The following BTBD9 variants were observed in gnomAD, a reference collection of about 807,000 sequenced individuals.
The protein encoded by BTBD9 is BTB domain containing 9, also known as BTB/POZ domain-containing protein 9.
Under a neutral mutation model 64.3 loss-of-function variants are expected in BTBD9, and 49 were observed. The ratio of observed to expected loss-of-function variants is 0.76; its 90% CI spans 0.61 to 0.97. The LOEUF is 0.97. Ranked by LOEUF, BTBD9 falls within the 50% of genes least tolerant of loss-of-function variation. The probability of loss-of-function intolerance (pLI) is 0.00; values close to 1 mark genes in which losing one functional copy is unlikely to be tolerated. For missense variants in BTBD9, 598 were observed against 762.1 expected, an observed-to-expected ratio of 0.78 and a Z score of 2.53; for synonymous variants, 260 against 274.7, an observed-to-expected ratio of 0.95 and a Z score of 0.53.
Position 38,351,441 on chromosome 6 carries a change from T to C in BTBD9, c.1155-6348A>G, listed in dbSNP as rs192562998. Among the ~76,000 whole-genome samples the C allele has an allele frequency of 9.1e-4, 137 of 151,298 alleles. No individual in the cohort carries two copies. In the Middle Eastern group the frequency reaches 0.01, roughly 11 times the overall value. ...AATCAATTATATGGAAGGGATGAGA[T>C]AGGTAGAAATAATTACTAATACACA... On this transcript the variant is annotated intron_variant, in intron 6 of 10. Coordinates refer to ENST00000481247, the MANE Select transcript of BTBD9 (RefSeq NM_001099272.2).
chr6:38,300,865 T>G (rs1022345127), intron 7 of BTBD9, among the ~76,000 whole-genome samples: 7 of 152,220 alleles, frequency 4.6e-5, no homozygotes, highest in African/African-American at 1.4e-4. Context: ...TTCTCCTGAC[T>G]GATTGCCCTG....
At chr6:38,480,071 C>T (rs1452377921) in intron 6 of BTBD9, among the ~76,000 whole-genome samples, 9 of 152,050 alleles carry the variant, frequency 5.9e-5, no homozygotes, top group Non-Finnish European at 8.8e-5. Flanking sequence ...CTATAGACTG[C>T]TAAGAGAAAT....
chr6:38,452,892 G>T (rs971147875), intron 6 of BTBD9, among the ~76,000 whole-genome samples: 1 of 152,052 alleles, frequency 6.6e-6, no homozygotes, highest in African/African-American at 2.4e-5. Flanking sequence ...CGGAAACTGA[G>T]GAAAAGGACA....
At chr6:38,312,404 A>G (rs1449119351) in intron 7 of BTBD9, among the ~76,000 whole-genome samples, 1 of 151,978 alleles carries the variant, frequency 6.6e-6, no homozygotes, top group Admixed American at 6.6e-5. Flanking sequence ...AAGCTTTTTA[A>G]CTTCATGTGA....
chr6:38,425,260 C>G (rs28515076), intron 6 of BTBD9, among the ~76,000 whole-genome samples: 7,629 of 151,720 alleles, frequency 0.05, 292 homozygotes, highest in Middle Eastern at 0.14. Context: ...CACCTGCCAC[C>G]ACGCCTAGTT....
chr6:38,178,844 CTATTTATTTATTTATT>C (rs148021128), intron 10 of BTBD9, among the ~76,000 whole-genome samples: 2 of 151,322 alleles, frequency 1.3e-5, no homozygotes, highest in African/African-American at 2.4e-5. Context: ...ACAAAGGAGG[CTATTTATTTATTTATT>C]TATTTATTTA....
chr6:38,352,847 C>T (rs1408998880), intron 6 of BTBD9, among the ~76,000 whole-genome samples: 2 of 152,200 alleles, frequency 1.3e-5, no homozygotes, highest in African/African-American at 4.8e-5. Context: ...ATTCATCCAA[C>T]AAATATTAAC....
chr6:38,200,631 A>T (rs1762427224), intron 9 of BTBD9, among the ~76,000 whole-genome samples: 1 of 152,230 alleles, frequency 6.6e-6, no homozygotes, highest in South Asian at 2.1e-4. Flanking sequence ...GACTATTCTG[A>T]ACAACTATAT....
intron 8 of BTBD9, among the ~76,000 whole-genome samples, chr6:38,263,082 G>A (rs1353103427): frequency 1.3e-5 from 2 of 152,190 alleles, no homozygotes; most frequent in Non-Finnish European, 2.9e-5. Flanking sequence ...TAGTGACAGT[G>A]CAATAACTTA....
intron 8 of BTBD9, among the ~76,000 whole-genome samples, chr6:38,271,844 A>G (rs1561954102): frequency 6.6e-6 from 1 of 152,104 alleles, no homozygotes; most frequent in Non-Finnish European, 1.5e-5. Flanking sequence ...CAAATTCTAC[A>G]TGGAGCTTTT....
intron 6 of BTBD9, among the ~76,000 whole-genome samples, chr6:38,471,911 T>C (rs1042130403): frequency 1.1e-4 from 17 of 152,234 alleles, no homozygotes; most frequent in Non-Finnish European, 1.3e-4. Flanking sequence ...GAAGCAATAA[T>C]GATTGCCTCT....
chr6:38,474,249 C>T (rs1265475971), intron 6 of BTBD9, among the ~76,000 whole-genome samples: 2 of 152,094 alleles, frequency 1.3e-5, no homozygotes, highest in African/African-American at 2.4e-5. Flanking sequence ...TGAGGCTGGG[C>T]GTGGTAGCTC....
intron 7 of BTBD9, among the ~76,000 whole-genome samples, chr6:38,318,576 CCAGA>C (rs764708173): frequency 6.6e-6 from 1 of 152,190 alleles, no homozygotes; most frequent in Admixed American, 6.6e-5. Context: ...CTCTGGATTG[CCAGA>C]CAGAGACTCT....
chr6:38,533,097 T>C (rs1348367662), intron 6 of BTBD9, among the ~76,000 whole-genome samples: 4 of 151,560 alleles, frequency 2.6e-5, no homozygotes, highest in Non-Finnish European at 5.9e-5. Context: ...AGACAAAGAA[T>C]GGTTGAATGG....
rs575042416 is a variant in BTBD9, at chr6:38,599,347, G to A, written c.-27-1226C>T. 7.2e-5 allele frequency among the ~76,000 whole-genome samples: 11 copies of A among 152,166 alleles called. No homozygotes were observed. In the South Asian group the frequency reaches 1.7e-3, roughly 23 times the overall value. ...GTTGCCCAGGCTGTAGTGCAGTGGC[G>A]TGATCACCACTCACTGTAACCTCGA... On this transcript the variant is annotated intron_variant, in intron 1 of 10. Transcript: ENST00000481247.
rs144411848 is a variant in BTBD9, at chr6:38,168,949, G to C, written c.*6036C>G. 1 of 152,354 alleles carries C rather than the reference G, an allele frequency of 6.6e-6. No individual in the cohort carries two copies. The highest frequency in any genetic ancestry group is 2.1e-4 in the South Asian group (1 of 4,836). The allele number at this position is 152,354 out of a possible 1,614,324, so 9.4% of individuals were successfully genotyped here. A position where few individuals can be genotyped will look rare whatever the true frequency, so the allele number is the denominator to read the frequency against. ...CTCAGGGACATAAGGACCAGGGAGC[G>C]TGTGATGGAGAGATTTCTCACTGTT... On this transcript the variant is annotated 3_prime_UTR_variant, in exon 11 of 11. Transcript: ENST00000481247.
intron 7 of BTBD9, among the ~76,000 whole-genome samples, chr6:38,325,557 C>T (rs377453450): frequency 1.3e-5 from 2 of 152,080 alleles, no homozygotes; most frequent in African/African-American, 4.8e-5. Context: ...TGGTGGTGGG[C>T]GCCTGTAGTC....
intron 6 of BTBD9, among the ~76,000 whole-genome samples, chr6:38,459,034 T>C (rs983051674): frequency 1.3e-5 from 2 of 152,182 alleles, no homozygotes; most frequent in Non-Finnish European, 2.9e-5. Flanking sequence ...TTTTTATTTT[T>C]TGGAGACAGA....
At chr6:38,213,374 C>A (rs1762899813) in intron 9 of BTBD9, among the ~76,000 whole-genome samples, 1 of 151,984 alleles carries the variant, frequency 6.6e-6, no homozygotes, top group South Asian at 2.1e-4. Context: ...TTAAAAAAAT[C>A]TCTGGAGTAA....
Sources: allele counts gnomAD v4.1 joint callset (sites outside exome capture counted in the v4.1 genomes callset), GRCh38; gene constraint gnomAD v4.1.1; transcripts MANE v1.5; gene names NCBI Gene and HGNC (gene_info 2026-07-23, HGNC 2026-07-21).